HEXB: variants seen among roughly 807,000 people sequenced by gnomAD.
HEXB encodes hexosaminidase subunit beta.
HEXB carries 51 observed loss-of-function variants against 71.2 expected under a neutral mutation model. The ratio of observed to expected loss-of-function variants is 0.72; its 90% confidence interval spans 0.57 to 0.90. The LOEUF (loss-of-function observed/expected upper bound fraction) is 0.90, where lower values mean the gene tolerates loss of function less well. Among genes scored for constraint, HEXB ranks in the 40% least tolerant of loss-of-function variants. The pLI, the probability that HEXB is intolerant of heterozygous loss-of-function variation, is 0.00. For missense variants in HEXB, 617 were observed against 677.0 expected, an observed-to-expected ratio of 0.91 and a Z score of 0.98; for synonymous variants, 266 against 249.3, an observed-to-expected ratio of 1.07 and a Z score of -0.63.
intron 1 of HEXB, among the ~76,000 whole-genome samples, chr5:74,662,988 T>A (rs1160741446): frequency 6.6e-6 from 1 of 152,202 alleles, no homozygotes; most frequent in Non-Finnish European, 1.5e-5. Context: ...ACCACCATCA[T>A]ACGGATTTTT....
In HEXB at chr5:74,698,433, C is replaced by T. The variant is rs568922546; in HGVS notation, c.669+1327C>T. Among the ~76,000 whole-genome samples the T allele has an allele frequency of 1.1e-4, 16 of 150,786 alleles. No homozygotes were observed. The East Asian group carries it at 3.1e-3, about 30-fold the overall frequency. ...TTTTAGTTGAAGTCTTGCTCTGTCG[C>T]CAGGCTGGAGGGCAGTGGTGCAATC... On this transcript the variant is annotated intron_variant, in intron 5 of 13. Coordinates refer to ENST00000261416, the MANE Select transcript of HEXB (RefSeq NM_000521.4).
intron 1 of HEXB, among the ~76,000 whole-genome samples, chr5:74,647,698 A>G (rs1278214023): frequency 6.6e-6 from 1 of 152,252 alleles, no homozygotes; most frequent in Non-Finnish European, 1.5e-5. Flanking sequence ...CAATTTCTTT[A>G]TCTGAGGATA....
intron 1 of HEXB, among the ~76,000 whole-genome samples, chr5:74,687,099 A>C (rs1231152293): frequency 6.6e-6 from 1 of 152,208 alleles, no homozygotes; most frequent in Non-Finnish European, 1.5e-5. Flanking sequence ...AGTTTGCCTA[A>C]CTCATGGCCT....
intron 2 of HEXB, 53 bp downstream of exon 2, chr5:74,689,526 C>T (rs1204387476): frequency 6.6e-7 from 1 of 1,508,794 alleles, no homozygotes; most frequent in Non-Finnish European, 9.2e-7. Context: ...CGCTGACGGA[C>T]TTAAGTGCCA....
rs146221899 is a variant in HEXB at position 74,665,776 on chromosome 5, A to G, written c.-376-23552A>G. ...ATACCGAATTCTTTTTTTTTAAGCC[A>G]GTTCCCTGTGAGTGTCCAGTTTAAT... On this transcript the variant is annotated intron_variant, in intron 1 of 13. Coordinates refer to the HEXB transcript ENST00000511181. Among the ~76,000 whole-genome samples the G allele has an allele frequency of 2.6e-3, 393 of 152,322 alleles. 1 individual carries two copies. The highest frequency in any genetic ancestry group is 8.8e-3 in the African/African-American group (367 of 41,578).
At chr5:74,646,393 A>C (rs901812339) in intron 1 of HEXB, among the ~76,000 whole-genome samples, 1 of 152,156 alleles carries the variant, frequency 6.6e-6, no homozygotes, top group African/African-American at 2.4e-5. Flanking sequence ...CAGATCTCTT[A>C]GAGTGTTTAC....
chr5:74,705,592 C>A (rs1284086909), intron 6 of HEXB: 4 of 420,380 alleles, frequency 9.5e-6, no homozygotes, highest in Non-Finnish European at 1.7e-5. Flanking sequence ...CTGAATAATT[C>A]TCAAATTACA....
rs193282719 is a variant in HEXB, at chr5:74,704,260, C to A, written c.670-959C>A. ...CCTCAATATATTTATCTGCACAATC[C>A]CCTTGTATGTAAAAGATGTCCTAAC... On this transcript the variant is annotated intron_variant, in intron 5 of 13. Transcript: ENST00000261416. Among the ~76,000 whole-genome samples, 546 of 152,202 alleles carry A rather than the reference C, an allele frequency of 3.6e-3. 6 individuals are homozygous for A. The highest frequency in any genetic ancestry group is 0.013 in the African/African-American group (524 of 41,520).
intron 1 of HEXB, among the ~76,000 whole-genome samples, chr5:74,649,183 A>G (rs907661421): frequency 2.6e-5 from 4 of 152,144 alleles, no homozygotes; most frequent in African/African-American, 9.7e-5. Context: ...GCCTGCAACA[A>G]TGCCGTGAGC....
At chr5:74,651,900 G>C (rs1031946110) in intron 1 of HEXB, among the ~76,000 whole-genome samples, 1 of 152,156 alleles carries the variant, frequency 6.6e-6, no homozygotes, top group Non-Finnish European at 1.5e-5. Flanking sequence ...CATATCTCCA[G>C]GTTCACAATA....
intron 5 of HEXB, among the ~76,000 whole-genome samples, chr5:74,699,728 T>TA (rs2112146907): frequency 6.6e-6 from 1 of 152,312 alleles, no homozygotes; most frequent in Admixed American, 6.5e-5. Context: ...GATAAATTCT[T>TA]AGAAGTGAAT....
chr5:74,646,863 G>C (rs918973318), intron 1 of HEXB, among the ~76,000 whole-genome samples: 1 of 151,986 alleles, frequency 6.6e-6, no homozygotes, highest in Non-Finnish European at 1.5e-5. Context: ...CACCACGCCC[G>C]GCAACAATTC....
chr5:74,670,707 C>T (rs1748518383), intron 1 of HEXB, among the ~76,000 whole-genome samples: 1 of 152,220 alleles, frequency 6.6e-6, no homozygotes, highest in Admixed American at 6.5e-5. Context: ...CCCTCTGGGA[C>T]TTTGGGGTCA....
chr5:74,685,191 C>G, upstream of HEXB: 4 of 1,423,212 alleles, frequency 2.8e-6, no homozygotes, highest in East Asian at 8.4e-5. Context: ...TTCCTCTGAT[C>G]CGGGCCGGGC....
intron 1 of HEXB, among the ~76,000 whole-genome samples, chr5:74,644,755 TTTTTTTTCC>T (rs1406808683): frequency 8.2e-6 from 1 of 122,004 alleles, no homozygotes; most frequent in South Asian, 2.6e-4. Flanking sequence ...ATTCTTCCTC[TTTTTTTTCC>T]TTTTTTTTTT....
At chr5:74,651,623 T>G (rs1748112393) in intron 1 of HEXB, among the ~76,000 whole-genome samples, 1 of 152,160 alleles carries the variant, frequency 6.6e-6, no homozygotes, top group South Asian at 2.1e-4. Flanking sequence ...TAAAGGAGGA[T>G]TCCCCCAAAT....
intron 6 of HEXB, among the ~76,000 whole-genome samples, chr5:74,710,442 AT>A (rs1336902087): frequency 2.0e-5 from 3 of 152,194 alleles, no homozygotes; most frequent in African/African-American, 7.2e-5. Flanking sequence ...GGCCAGGGCA[AT>A]TAGGCAGGAG....
At position 74,705,069 on chromosome 5, in the gene HEXB, G is replaced by A. The variant is rs1000776150; in HGVS notation, c.670-150G>A. 2.9e-5 allele frequency: 18 copies of A among 610,552 alleles called. No homozygotes were observed. The Admixed American group carries it at 3.8e-4, about 13-fold the overall frequency. 37.8% of individuals were successfully genotyped at this position (610,552 alleles called of 1,614,324 possible). On this transcript the variant is annotated intron_variant, in intron 5 of 13. Coordinates refer to ENST00000261416, the MANE Select transcript of HEXB (RefSeq NM_000521.4). ...ATCATGCCACTGTATTCCAGCCTGG[G>A]CAATGGAGTGAGACCCTGTCTCAAA...
chr5:74,717,493 T>C (rs1749700359), intron 9 of HEXB, among the ~76,000 whole-genome samples: 1 of 151,652 alleles, frequency 6.6e-6, no homozygotes, highest in Admixed American at 6.6e-5. Context: ...TATATATATA[T>C]ATACACATTT....
Sources: allele counts gnomAD v4.1 joint callset (sites outside exome capture counted in the v4.1 genomes callset), GRCh38; gene constraint gnomAD v4.1.1; transcripts MANE v1.5; gene names NCBI Gene and HGNC (gene_info 2026-07-23, HGNC 2026-07-21).